NAPA: variants seen among roughly 807,000 people sequenced by gnomAD.
NAPA encodes the protein alpha-soluble NSF attachment protein.
Under a neutral mutation model 48.0 loss-of-function variants are expected in NAPA, and 18 were observed. The observed-to-expected ratio is 0.38, with a 90% CI of 0.26 to 0.56. NAPA has a LOEUF of 0.56. NAPA is among the 20% of genes least tolerant of loss of function. The pLI is 0.77. For missense variants in NAPA, 315 were observed against 385.0 expected (o/e 0.82, Z 1.52); for synonymous variants, 152 against 149.9 (o/e 1.01, Z -0.10).
In NAPA at chr19:47,503,358, C is replaced by T. The variant is rs574483143; in HGVS notation, c.178+65G>A. The T allele has an allele frequency of 1.9e-5, 28 of 1,463,330 alleles. No homozygotes were observed. The East Asian group carries it at 2.0e-4, about 11-fold the overall frequency. The allele number at this position is 1,463,330 out of a possible 1,614,324, so 90.6% of individuals were successfully genotyped here. On this transcript the variant is annotated intron_variant, in intron 2 of 10. Coordinates refer to ENST00000263354, the MANE Select transcript of NAPA (RefSeq NM_003827.4). ...CTCAAGGCCAACCTCTCGGGCAGGCCTGTGTGAGTGGAAGCTGAGGGAGGA... is the reference window on the plus strand; with the variant it reads ...CTCAAGGCCAACCTCTCGGGCAGGCTTGTGTGAGTGGAAGCTGAGGGAGGA...
At chr19:47,491,689 C>G (rs949710565) in intron 8 of NAPA, among the ~76,000 whole-genome samples, 5 of 152,208 alleles carry the variant, frequency 3.3e-5, no homozygotes, top group African/African-American at 1.2e-4. Flanking sequence ...GACTCTCGTC[C>G]CAGCCTCACC....
chr19:47,515,033 G>C lies in NAPA; in HGVS notation c.-93C>G. The C allele has an allele frequency of 1.5e-6, 2 of 1,304,852 alleles. No homozygotes were observed. Among genetic ancestry groups the C allele is most frequent in the African/African-American group, 1.5e-5 (1 of 67,192 alleles). The allele number at this position is 1,304,852 out of a possible 1,614,324, so 80.8% of individuals were successfully genotyped here. On this transcript the variant is annotated 5_prime_UTR_variant, in exon 1 of 11. Transcript: ENST00000263354. ...CGCGGAACACAGATCGGTAAAACTC[G>C]CCCGGCTGCGTTGACGTCGCACCGG...
chr19:47,487,123 C>T (rs532639172), downstream of NAPA, among the ~76,000 whole-genome samples: 1 of 152,282 alleles, frequency 6.6e-6, no homozygotes, highest in African/African-American at 2.4e-5. Flanking sequence ...GCAAAGGCTC[C>T]TGCTATCTCC....
intron 3 of NAPA, 67 bp from the exon 4 acceptor site, chr19:47,495,663 G>C: frequency 3.9e-6 from 6 of 1,523,646 alleles, no homozygotes; most frequent in Non-Finnish European, 5.5e-6. Context: ...GCTGAGGAGA[G>C]GAGGCGGACG....
chr19:47,513,559 G>A (rs974179712), intron 1 of NAPA, among the ~76,000 whole-genome samples: 1 of 152,186 alleles, frequency 6.6e-6, no homozygotes, highest in African/African-American at 2.4e-5. Flanking sequence ...TTTATCACAG[G>A]ATGGTCGTGT....
At chr19:47,490,136 C>T (rs1968202609) in intron 9 of NAPA, among the ~76,000 whole-genome samples, 2 of 126,058 alleles carry the variant, frequency 1.6e-5, no homozygotes, top group South Asian at 2.7e-4. Context: ...TGTTGAGTTG[C>T]GTGTGTGGTG....
In NAPA at chr19:47,493,145, G is replaced by A. The variant is rs752675210; in HGVS notation, c.450C>T (p.Asp150=). The A allele has an allele frequency of 6.2e-7, 1 of 1,608,038 alleles. No individual in the cohort carries two copies. Among genetic ancestry groups the A allele is most frequent in the Non-Finnish European group, 8.5e-7 (1 of 1,176,232 alleles). The part of the protein sequence containing the change: ...KAIAHYEQSA[D]YYKGEESNSS... ...TGTTGGACTCCTCGCCTTTGTAGTAGTCTGCAGACTGCTCGTAGTGGGCAA... is the reference window on the plus strand; with the variant it reads ...TGTTGGACTCCTCGCCTTTGTAGTAATCTGCAGACTGCTCGTAGTGGGCAA... The change falls in exon 6 of 11, where the codon GAC becomes GAT. Residue 150 remains aspartate (D), a synonymous_variant. Transcript: ENST00000263354. This position sits in a 1 kb window ranked among gnomAD's most constrained non-coding sequence, Gnocchi z 6.4.
chr19:47,489,778 G>GA lies in NAPA; in HGVS notation c.736-18dup. On this transcript the variant is annotated splice_polypyrimidine_tract_variant and intron_variant, in intron 9 of 10. Transcript: ENST00000263354. ...TAGCAATTTCTGCAAGCAAATGGCA[G>GA]AGAGGGGTCAGGGGCCTATGCTGAC... 1 of 1,613,924 alleles carries GA rather than the reference G, an allele frequency of 6.2e-7. No individual in the cohort carries two copies.
At chr19:47,502,588 C>T (rs1380614275) in intron 2 of NAPA, among the ~76,000 whole-genome samples, 1 of 152,230 alleles carries the variant, frequency 6.6e-6, no homozygotes, top group Non-Finnish European at 1.5e-5. Context: ...ACCAGGTTCC[C>T]TCTCCTCCAC....
Position 47,500,733 on chromosome 19 carries a change from G to C in NAPA, c.195C>G (p.Phe65Leu). ...AKNWSAAGNA[F>L]CQAAQLHLQL... ...GCAGGTGCAGCTGTGCAGCCTGGCA[G>C]AACGCGTTTCCAGCAGCTGGAACAG... Residue 65 changes from phenylalanine to leucine, a missense_variant, in exon 3 of 11, where the codon TTC (phenylalanine) becomes TTG (leucine). Physicochemically the swap from Phe to Leu is conservative, Grantham distance 22 (BLOSUM62 0). Transcript: ENST00000263354. 6.2e-7 allele frequency: 1 copy of C among 1,606,404 alleles called. No individual in the cohort carries two copies. Among genetic ancestry groups the C allele is most frequent in the South Asian group, 1.1e-5 (1 of 89,956 alleles).
intron 3 of NAPA, among the ~76,000 whole-genome samples, chr19:47,499,045 C>T (rs1221628127): frequency 6.6e-6 from 1 of 152,208 alleles, no homozygotes; most frequent in Non-Finnish European, 1.5e-5. Context: ...TTTATACTTT[C>T]CTACCGGTCG....
chr19:47,488,617 TA>T (rs11368749), intron 10 of NAPA: 21,301 of 254,988 alleles, frequency 0.084, 1 homozygote, highest in East Asian at 0.1. Flanking sequence ...ATTGTAGCTT[TA>T]AAAAAAAAAA....
At chr19:47,489,437 G>A in intron 10 of NAPA, 1 of 518,556 alleles carries the variant, frequency 1.9e-6, no homozygotes, top group East Asian at 3.1e-5. Flanking sequence ...GCAGACAGAT[G>A]TGGCTCTGAA....
chr19:47,503,270 C>T, intron 2 of NAPA, 153 bp downstream of exon 2: 1 of 689,990 alleles, frequency 1.4e-6, no homozygotes, highest in Non-Finnish European at 2.6e-6. Flanking sequence ...CCAGCAGGCA[C>T]AAAACAAGAG....
At chr19:47,511,174 C>A (rs1240298712) in intron 1 of NAPA, among the ~76,000 whole-genome samples, 1 of 152,232 alleles carries the variant, frequency 6.6e-6, no homozygotes, top group Non-Finnish European at 1.5e-5. Context: ...TGAGCCGCAA[C>A]GCTCCCTTCT....
rs1307025780 is a variant in NAPA, at chr19:47,493,100, C to A, written c.476+19G>T. The A allele has an allele frequency of 6.2e-7, 1 of 1,613,888 alleles. No homozygotes were observed. The highest frequency in any genetic ancestry group is 1.1e-5 in the South Asian group (1 of 91,068). ...GGTGGCGGTCCCTGCGGGGCTGGGG[C>A]AGGCAGGAAGGGGGCTACCTGTTGG... On this transcript the variant is annotated intron_variant, in intron 6 of 10. Coordinates refer to ENST00000263354, the MANE Select transcript of NAPA (RefSeq NM_003827.4). The surrounding 1 kb of genome is among the most constrained non-coding windows in gnomAD (Gnocchi z 6.4).
intron 1 of NAPA, among the ~76,000 whole-genome samples, chr19:47,511,427 C>T (rs541306776): frequency 6.6e-6 from 1 of 152,198 alleles, no homozygotes; most frequent in Non-Finnish European, 1.5e-5. Flanking sequence ...CAGGTCAGCT[C>T]CTCTGGGAGC....
chr19:47,512,983 C>T (rs1032443547), intron 1 of NAPA, among the ~76,000 whole-genome samples: 1 of 152,114 alleles, frequency 6.6e-6, no homozygotes, highest in African/African-American at 2.4e-5. Flanking sequence ...GTCCCACCAC[C>T]GTCCCCAGGC....
At chr19:47,487,106 T>G (rs1408693162), downstream of NAPA, among the ~76,000 whole-genome samples, 1 of 152,052 alleles carries the variant, frequency 6.6e-6, no homozygotes, top group Non-Finnish European at 1.5e-5. Flanking sequence ...CTGCCCACCT[T>G]TCCTGGGCAA....
Sources: gnomAD v4.1 joint callset for allele counts (sites outside exome capture counted in the v4.1 genomes callset) on GRCh38, gnomAD v4.1.1 for gene constraint, Gnocchi (gnomAD v3.1) non-coding constraint, MANE v1.5 for transcripts, NCBI Gene and HGNC (gene_info 2026-07-23, HGNC 2026-07-21) for gene names.